The following EFHC2 variants were observed in gnomAD, a reference collection of about 807,000 sequenced individuals.
EFHC2 encodes the protein EF-hand domain containing 2.
A neutral mutation model predicts 52.7 loss-of-function variants in EFHC2; 18 were observed. That is an observed-to-expected ratio of 0.34 (90% CI 0.24 to 0.51). The LOEUF (loss-of-function observed/expected upper bound fraction) is 0.51. Among genes scored for constraint, EFHC2 ranks in the 20% least tolerant of loss-of-function variants. The probability of loss-of-function intolerance (pLI) is 0.97; values close to 1 mark genes in which losing one functional copy is unlikely to be tolerated. For missense variants in EFHC2, 513 were observed against 562.5 expected, an observed-to-expected ratio of 0.91 and a Z score of 0.89; for synonymous variants, 203 against 204.1, an observed-to-expected ratio of 0.99 and a Z score of 0.04.
At chrX:44,189,954 C>G (rs1428286908) in intron 11 of EFHC2, among the ~76,000 whole-genome samples, 2 of 111,262 alleles carry the variant, frequency 1.8e-5, no homozygotes, top group African/African-American at 6.5e-5. Flanking sequence ...GTGAGAAAGT[C>G]TGAAATATCC....
chrX:44,264,850 T>C (rs2037565115), intron 3 of EFHC2, among the ~76,000 whole-genome samples: 2 of 112,360 alleles, frequency 1.8e-5, no homozygotes, highest in South Asian at 7.4e-4. Flanking sequence ...ATGGGCAGGA[T>C]ACCATGTCCT....
chrX:44,262,551 A>T (rs2037549374), intron 3 of EFHC2, among the ~76,000 whole-genome samples: 1 of 105,009 alleles, frequency 9.5e-6, no homozygotes, highest in Non-Finnish European at 1.9e-5. Context: ...GAAAAGAAAA[A>T]GAAAAAAGAA....
At chrX:44,314,293 C>T (rs1436418218) in intron 1 of EFHC2, among the ~76,000 whole-genome samples, 1 of 112,501 alleles carries the variant, frequency 8.9e-6, no homozygotes, top group Non-Finnish European at 1.9e-5. Flanking sequence ...AATGTTAGCA[C>T]ACTGCCCAGG....
chrX:44,308,414 TAAAAGAAAAAA>T (rs1168786661), intron 2 of EFHC2, among the ~76,000 whole-genome samples: 6 of 107,991 alleles, frequency 5.6e-5, no homozygotes, highest in South Asian at 4.0e-4. Flanking sequence ...ATTCTTGTAT[TAAAAGAAAAAA>T]AAAAGAAAAA....
intron 13 of EFHC2, among the ~76,000 whole-genome samples, chrX:44,174,652 G>T (rs1289377629): frequency 1.2e-5 from 1 of 82,701 alleles, no homozygotes; most frequent in African/African-American, 5.9e-5. Flanking sequence ...AAAAAAAAAA[G>T]GGGGGGGGAG....
At chrX:44,153,487 C>T (rs1244613618) in intron 14 of EFHC2, among the ~76,000 whole-genome samples, 4 of 111,777 alleles carry the variant, frequency 3.6e-5, no homozygotes, top group South Asian at 3.8e-4. Context: ...GCCACAAGCA[C>T]ATTAACAGTG....
chrX:44,254,317 A>C (rs1376020949), intron 4 of EFHC2, among the ~76,000 whole-genome samples: 1 of 111,812 alleles, frequency 8.9e-6, no homozygotes, highest in African/African-American at 3.3e-5. Flanking sequence ...GTAATAACTA[A>C]CTCCTCTGAG....
At chrX:44,156,989 G>A (rs2036611249) in intron 14 of EFHC2, among the ~76,000 whole-genome samples, 1 of 111,716 alleles carries the variant, frequency 9.0e-6, no homozygotes, top group Non-Finnish European at 1.9e-5. Context: ...GGGCCAGGCA[G>A]AGGGATAACC....
In EFHC2 at chrX:44,250,385, G is replaced by A; in HGVS notation, c.667C>T (p.Leu223Phe). The change falls in exon 5 of 15, where the codon CTC becomes TTC. Residue 223 changes from leucine (L) to phenylalanine (F), a missense_variant. Coordinates refer to ENST00000420999, the MANE Select transcript of EFHC2 (RefSeq NM_025184.4). ...YESLDTLKQFLQYHGKILCFF... is the reference protein window; with the variant it reads ...YESLDTLKQFFQYHGKILCFF... Reference sequence around the variant, plus strand: ...CACAAAATCTTGCCATGATACTGGAGGAACTGTTTCAGGGTGTCGAGGGAT... The same window carrying A: ...CACAAAATCTTGCCATGATACTGGAAGAACTGTTTCAGGGTGTCGAGGGAT... 13 of 1,211,316 alleles carry A rather than the reference G, an allele frequency of 1.1e-5. No homozygotes were observed. The highest frequency in any genetic ancestry group is 1.5e-5 in the Non-Finnish European group (13 of 895,151).
intron 11 of EFHC2, among the ~76,000 whole-genome samples, chrX:44,193,434 T>C (rs1333783445): frequency 9.0e-6 from 1 of 111,687 alleles, no homozygotes; most frequent in African/African-American, 3.3e-5. Context: ...AAATAAACTT[T>C]CTAAATTGAT....
At chrX:44,323,432 G>GA (rs777692843) in intron 1 of EFHC2, among the ~76,000 whole-genome samples, 6 of 112,129 alleles carry the variant, frequency 5.4e-5, no homozygotes, top group African/African-American at 1.9e-4. Flanking sequence ...CGATGCCAGA[G>GA]AAAAAATCAT....
In EFHC2 at chrX:44,191,857, A is replaced by G. The variant is rs575854115; in HGVS notation, c.1752-13293T>C. 8.9e-5 allele frequency among the ~76,000 whole-genome samples: 10 copies of G among 111,951 alleles called. No individual in the cohort carries two copies. In the South Asian group the frequency reaches 3.4e-3, roughly 38 times the overall value. ...CCTAAAATATCTTAAACCTATATAT[A>G]CCTAATTATCAAAGAAATGGATGAA... On this transcript the variant is annotated intron_variant, in intron 11 of 14. Transcript: ENST00000420999.
At chrX:44,247,950 C>A (rs1446031663) in intron 7 of EFHC2, among the ~76,000 whole-genome samples, 1 of 111,654 alleles carries the variant, frequency 9.0e-6, no homozygotes, top group Non-Finnish European at 1.9e-5. Context: ...ATTTCCATTT[C>A]GATTGCTAAA....
intron 3 of EFHC2, among the ~76,000 whole-genome samples, chrX:44,269,486 C>G (rs1318972557): frequency 3.6e-5 from 4 of 110,936 alleles, no homozygotes; most frequent in Non-Finnish European, 7.6e-5. Flanking sequence ...GGGGTGGATC[C>G]CACATGAATG....
At chrX:44,335,902 A>G (rs916602724) in intron 1 of EFHC2, among the ~76,000 whole-genome samples, 1 of 103,456 alleles carries the variant, frequency 9.7e-6, no homozygotes, top group African/African-American at 3.5e-5. Context: ...TCCAGACTAT[A>G]TTAAAAATGA....
intron 13 of EFHC2, among the ~76,000 whole-genome samples, chrX:44,168,146 A>G (rs1163051548): frequency 2.7e-5 from 3 of 111,464 alleles, no homozygotes. Flanking sequence ...TTGGCCCACA[A>G]AATTCCTGGG....
At chrX:44,252,737 G>A (rs1331732531) in intron 4 of EFHC2, among the ~76,000 whole-genome samples, 1 of 112,086 alleles carries the variant, frequency 8.9e-6, no homozygotes, top group African/African-American at 3.2e-5. Flanking sequence ...ATGCTAAAAT[G>A]ATGTTCCTAC....
At chrX:44,314,724 C>T (rs889679955) in intron 1 of EFHC2, among the ~76,000 whole-genome samples, 5 of 111,549 alleles carry the variant, frequency 4.5e-5, no homozygotes, top group Admixed American at 9.5e-5. Context: ...GAAAATGAAT[C>T]GTAGAATAAT....
chrX:44,330,119 C>T (rs1448985828), intron 1 of EFHC2, among the ~76,000 whole-genome samples: 6 of 100,142 alleles, frequency 6.0e-5, no homozygotes, highest in Admixed American at 1.1e-4. Flanking sequence ...GAGCCTGGTA[C>T]GGTGGTGCAC....
Sources: gnomAD v4.1 joint callset for allele counts (sites outside exome capture counted in the v4.1 genomes callset) on GRCh38, gnomAD v4.1.1 for gene constraint, MANE v1.5 for transcripts, NCBI Gene and HGNC (gene_info 2026-07-23, HGNC 2026-07-21) for gene names.